Variants in CPA6 observed in about 807,000 individuals in gnomAD.
CPA6 encodes carboxypeptidase A6.
CPA6 carries 58 observed loss-of-function variants against 63.3 expected under a neutral mutation model. That is an observed-to-expected ratio of 0.92 (90% CI 0.74 to 1.14). The LOEUF is 1.14. Ranked by LOEUF, CPA6 falls within the 50% of genes most tolerant of loss-of-function variation. The pLI is 0.00. For synonymous variants in CPA6, 185 were observed against 179.0 expected, an observed-to-expected ratio of 1.03 and a Z score of -0.27; for missense variants, 565 against 526.6, an observed-to-expected ratio of 1.07 and a Z score of -0.71.
intron 8 of CPA6, among the ~76,000 whole-genome samples, chr8:67,448,639 G>GAAAAAAAAAAAAAAAAAAAAAAAAAAA (rs61317091): frequency 5.6e-4 from 13 of 23,272 alleles, no homozygotes; most frequent in African/African-American, 1.5e-3. Flanking sequence ...CTCAAAAAAG[G>GAAAAAAAAAAAAAAAAAAAAAAAAAAA]AAAAAAAAAA....
chr8:67,628,039 C>A (rs1815232395), intron 1 of CPA6, among the ~76,000 whole-genome samples: 1 of 152,116 alleles, frequency 6.6e-6, no homozygotes, highest in East Asian at 1.9e-4. Flanking sequence ...ATGGTGAAAA[C>A]CCATCTCTAC....
intron 1 of CPA6, among the ~76,000 whole-genome samples, chr8:67,662,793 G>A (rs1365077902): frequency 6.6e-6 from 1 of 152,142 alleles, no homozygotes; most frequent in African/African-American, 2.4e-5. Context: ...ACAATGTGCT[G>A]CAGGAGCACC....
At chr8:67,577,440 C>T (rs1263385045) in intron 2 of CPA6, among the ~76,000 whole-genome samples, 2 of 152,118 alleles carry the variant, frequency 1.3e-5, no homozygotes, top group African/African-American at 4.8e-5. Flanking sequence ...AAAAGCTTGC[C>T]TAGCATGTAA....
At chr8:67,508,271 C>T (rs558143922) in intron 5 of CPA6, among the ~76,000 whole-genome samples, 5 of 151,984 alleles carry the variant, frequency 3.3e-5, no homozygotes, top group Non-Finnish European at 7.4e-5. Flanking sequence ...AAATGGTCAG[C>T]TTTTGGTGGT....
At chr8:67,574,838 T>C (rs899754620) in intron 2 of CPA6, among the ~76,000 whole-genome samples, 11 of 152,144 alleles carry the variant, frequency 7.2e-5, no homozygotes, top group African/African-American at 2.7e-4. Context: ...GATTTTTTTT[T>C]TTGGGTTTGG....
chr8:67,636,609 T>C (rs1815474552), intron 1 of CPA6, among the ~76,000 whole-genome samples: 1 of 151,494 alleles, frequency 6.6e-6, no homozygotes, highest in Non-Finnish European at 1.5e-5. Context: ...CTGTGTGTTT[T>C]CAGAAGGAAA....
At chr8:67,705,672 C>T (rs932130828) in intron 1 of CPA6, among the ~76,000 whole-genome samples, 2 of 152,276 alleles carry the variant, frequency 1.3e-5, no homozygotes, top group African/African-American at 4.8e-5. Flanking sequence ...CCTGTTTCTC[C>T]TGGGAAAGCT....
intron 1 of CPA6, among the ~76,000 whole-genome samples, chr8:67,670,055 T>C (rs1185071491): frequency 6.6e-6 from 1 of 152,200 alleles, no homozygotes; most frequent in Non-Finnish European, 1.5e-5. Flanking sequence ...AGAATAGCAC[T>C]CCTTTGAGAG....
chr8:67,478,617 A>T (rs972507098), intron 8 of CPA6, among the ~76,000 whole-genome samples: 5 of 152,348 alleles, frequency 3.3e-5, no homozygotes, highest in Admixed American at 2.6e-4. Context: ...GTTTAGCAAG[A>T]AAACCTCAAA....
At chr8:67,621,460 A>G (rs1184086629) in intron 2 of CPA6, among the ~76,000 whole-genome samples, 1 of 152,296 alleles carries the variant, frequency 6.6e-6, no homozygotes, top group East Asian at 1.9e-4. Context: ...TGTGAGGAAA[A>G]TCAGAATAAA....
At chr8:67,662,653 A>G (rs886885811) in intron 1 of CPA6, among the ~76,000 whole-genome samples, 7 of 151,644 alleles carry the variant, frequency 4.6e-5, no homozygotes, top group Admixed American at 3.3e-4. Flanking sequence ...ATATGTATAT[A>G]TAGAATATAT....
At chr8:67,433,931 G>T in intron 9 of CPA6, 107 bp downstream of exon 9, 1 of 761,448 alleles carries the variant, frequency 1.3e-6, no homozygotes. Flanking sequence ...ATATTTATTA[G>T]GATAAACACA....
intron 2 of CPA6, among the ~76,000 whole-genome samples, chr8:67,537,960 A>T (rs1472112097): frequency 2.0e-5 from 3 of 152,228 alleles, no homozygotes; most frequent in Non-Finnish European, 2.9e-5. Flanking sequence ...GTCATTCAGA[A>T]GCAGGCTGTT....
chr8:67,429,160 G>C (rs78179445), intron 9 of CPA6, among the ~76,000 whole-genome samples: 2 of 152,232 alleles, frequency 1.3e-5, no homozygotes, highest in South Asian at 4.1e-4. Flanking sequence ...CAGGTACTGC[G>C]AAGAGGTAGA....
chr8:67,726,624 A>G (rs1817601074), intron 1 of CPA6, among the ~76,000 whole-genome samples: 2 of 152,250 alleles, frequency 1.3e-5, no homozygotes, highest in Non-Finnish European at 2.9e-5. Flanking sequence ...ACTTTTAAAT[A>G]AAAATCTAAA....
rs996520879 is a variant in CPA6 at position 67,549,579 on chromosome 8, T to G, written c.193-31532A>C. On this transcript the variant is annotated intron_variant, in intron 2 of 10. Transcript: ENST00000297770. ...GGCCCTATGCTATATGGTAGATCCCTAGGACTTATTTATCATGTACAGTTG... is the reference window on the plus strand; with the variant it reads ...GGCCCTATGCTATATGGTAGATCCCGAGGACTTATTTATCATGTACAGTTG... Among the ~76,000 whole-genome samples the G allele has an allele frequency of 2.0e-5, 3 of 152,224 alleles. No individual in the cohort carries two copies. The East Asian group carries it at 5.8e-4, about 29-fold the overall frequency.
At chr8:67,614,557 C>T (rs1322377174) in intron 2 of CPA6, among the ~76,000 whole-genome samples, 2 of 152,132 alleles carry the variant, frequency 1.3e-5, no homozygotes, top group African/African-American at 4.8e-5. Context: ...CTGGTGCAGA[C>T]CAGAGCAGGC....
intron 2 of CPA6, among the ~76,000 whole-genome samples, chr8:67,550,437 C>T (rs1403697255): frequency 6.6e-6 from 1 of 152,196 alleles, no homozygotes. Flanking sequence ...TTTATTCAAT[C>T]CACCATTGAC....
chr8:67,662,822 T>C (rs1816147290), intron 1 of CPA6, among the ~76,000 whole-genome samples: 2 of 152,184 alleles, frequency 1.3e-5, no homozygotes, highest in Admixed American at 6.5e-5. Context: ...TTATTTGATG[T>C]CAGGAATACA....
Sources: allele counts gnomAD v4.1 joint callset (sites outside exome capture counted in the v4.1 genomes callset), GRCh38; gene constraint gnomAD v4.1.1; transcripts MANE v1.5; gene names NCBI Gene and HGNC (gene_info 2026-07-23, HGNC 2026-07-21).